OXCT1: variants seen among roughly 807,000 people sequenced by gnomAD.
OXCT1 encodes the protein 3-oxoacid CoA-transferase 1, also known as succinyl-CoA:3-ketoacid coenzyme A transferase 1, mitochondrial.
OXCT1 carries 27 observed loss-of-function variants against 69.6 expected under a neutral mutation model. That is an observed-to-expected ratio of 0.39 (90% confidence interval 0.29 to 0.54). OXCT1 has a LOEUF of 0.54. OXCT1 is among the 20% of genes least tolerant of loss of function. OXCT1 has a pLI of 0.72. For synonymous variants in OXCT1, 202 were observed against 217.8 expected (o/e 0.93, Z 0.64); for missense variants, 437 against 650.2 (o/e 0.67, Z 3.57).
chr5:41,781,593 T>C (rs1165344904), intron 13 of OXCT1, among the ~76,000 whole-genome samples: 1 of 152,168 alleles, frequency 6.6e-6, no homozygotes, highest in African/African-American at 2.4e-5. Context: ...CTATTCTTCC[T>C]GATACTCTCG....
intron 7 of OXCT1, among the ~76,000 whole-genome samples, chr5:41,822,296 G>A (rs1337514945): frequency 6.6e-6 from 1 of 152,032 alleles, no homozygotes; most frequent in Non-Finnish European, 1.5e-5. Context: ...CTAGTTCTGC[G>A]GTAGTGGTTT....
intron 8 of OXCT1, 21 bp downstream of exon 8, chr5:41,807,310 C>A: frequency 7.9e-7 from 1 of 1,261,294 alleles, no homozygotes; most frequent in Non-Finnish European, 1.2e-6. Context: ...TGAATACTGA[C>A]AAAGCAGCTA....
chr5:41,835,573 C>T (rs1401370582), intron 7 of OXCT1, among the ~76,000 whole-genome samples: 4 of 152,142 alleles, frequency 2.6e-5, no homozygotes, highest in Admixed American at 6.5e-5. Context: ...CACCAAATAT[C>T]GTATCATCTA....
intron 4 of OXCT1, among the ~76,000 whole-genome samples, chr5:41,851,273 C>T (rs1458984485): frequency 6.6e-6 from 1 of 152,156 alleles, no homozygotes; most frequent in Non-Finnish European, 1.5e-5. Flanking sequence ...GACATTGAGT[C>T]ATTCAAGTAG....
intron 7 of OXCT1, among the ~76,000 whole-genome samples, chr5:41,824,202 T>C (rs1434986487): frequency 6.6e-6 from 1 of 152,200 alleles, no homozygotes; most frequent in Admixed American, 6.5e-5. Context: ...CTTATCCTCA[T>C]TTGTTCTTCT....
intron 5 of OXCT1, among the ~76,000 whole-genome samples, chr5:41,846,444 C>A (rs1206670039): frequency 6.7e-6 from 1 of 149,080 alleles, no homozygotes; most frequent in South Asian, 2.2e-4. Context: ...ATCCATGTCC[C>A]TACAAAGGAC....
rs1392266777 is a variant in OXCT1, at chr5:41,762,875, C to T, written c.1249-675G>A. On this transcript the variant is annotated intron_variant, in intron 13 of 16. Coordinates refer to ENST00000196371, the MANE Select transcript of OXCT1 (RefSeq NM_000436.4). This position sits in a 1 kb window ranked among gnomAD's most constrained non-coding sequence, Gnocchi z 4.0. ...CATTCATTATACTTTTACCAACCAC[C>T]TTCTATGTACCACATGCTCTGAAAA... is the stretch of plus-strand genomic sequence containing the variant. Among the ~76,000 whole-genome samples the T allele has an allele frequency of 6.6e-6, 1 of 152,074 alleles. No homozygotes were observed. Among genetic ancestry groups the T allele is most frequent in the Non-Finnish European group, 1.5e-5 (1 of 68,012 alleles).
chr5:41,838,724 C>T (rs1344249594), intron 7 of OXCT1, among the ~76,000 whole-genome samples: 1 of 151,810 alleles, frequency 6.6e-6, no homozygotes, highest in Non-Finnish European at 1.5e-5. Flanking sequence ...CTCCTGGACT[C>T]AGGCGATCCT....
intron 13 of OXCT1, among the ~76,000 whole-genome samples, chr5:41,783,686 G>T (rs1011796345): frequency 1.3e-5 from 2 of 152,206 alleles, no homozygotes; most frequent in Admixed American, 1.3e-4. Flanking sequence ...AACACCAGAG[G>T]AGATGGAGAA....
intron 7 of OXCT1, among the ~76,000 whole-genome samples, chr5:41,834,442 A>C (rs957454037): frequency 2.0e-5 from 3 of 151,714 alleles, no homozygotes; most frequent in Non-Finnish European, 2.9e-5. Flanking sequence ...ACAGAGACCA[A>C]AAATAAAGGG....
At chr5:41,797,740 T>C (rs766143300) in intron 11 of OXCT1, among the ~76,000 whole-genome samples, 1 of 152,198 alleles carries the variant, frequency 6.6e-6, no homozygotes, top group African/African-American at 2.4e-5. Flanking sequence ...GTTTGCAAAC[T>C]TTAACATTCA....
chr5:41,866,321 A>G (rs10941559), intron 1 of OXCT1, among the ~76,000 whole-genome samples: 27,741 of 152,176 alleles, frequency 0.18, 2,740 homozygotes, highest in Middle Eastern at 0.28. Flanking sequence ...AACCCAGGTG[A>G]TCTTTGTTGA....
Position 41,742,992 on chromosome 5 carries a change from A to C in OXCT1, c.1420-3501T>G, listed in dbSNP as rs567696072. Among the ~76,000 whole-genome samples, 81 of 152,236 alleles carry C rather than the reference A, an allele frequency of 5.3e-4. 1 individual carries two copies. In the South Asian group the frequency reaches 0.014, roughly 26 times the overall value. On this transcript the variant is annotated intron_variant, in intron 15 of 16. Transcript: ENST00000196371. ...GATTTATAATCCTTTGGGTATATAC[A>C]CAGTAATGGGATGGCTGGGTCAAAT... is the stretch of plus-strand genomic sequence containing the variant.
At position 41,758,144 on chromosome 5, in the gene OXCT1, A is replaced by G. The variant is rs374101171; in HGVS notation, c.1338+3967T>C. ...AGACTACAAGAGTCACATTGATGCAATATTTATAGTGCTTGGTGTACGTAG... is the reference window on the plus strand; with the variant it reads ...AGACTACAAGAGTCACATTGATGCAGTATTTATAGTGCTTGGTGTACGTAG... On this transcript the variant is annotated intron_variant, in intron 14 of 16. Transcript: ENST00000196371. 4.6e-5 allele frequency among the ~76,000 whole-genome samples: 7 copies of G among 152,118 alleles called. No homozygotes were observed. The East Asian group carries it at 7.8e-4, about 17-fold the overall frequency.
intron 3 of OXCT1, among the ~76,000 whole-genome samples, chr5:41,858,713 T>C (rs928971820): frequency 1.3e-5 from 2 of 152,222 alleles, no homozygotes; most frequent in African/African-American, 2.4e-5. Context: ...ATCTCATTAA[T>C]TGGCAATTCT....
intron 10 of OXCT1, among the ~76,000 whole-genome samples, chr5:41,802,163 A>G (rs1032010382): frequency 6.6e-6 from 1 of 152,106 alleles, no homozygotes; most frequent in African/African-American, 2.4e-5. Context: ...ATCTGCTTTT[A>G]TCCAAATATA....
intron 13 of OXCT1, among the ~76,000 whole-genome samples, chr5:41,766,385 T>C (rs369817886): frequency 2.0e-5 from 3 of 152,048 alleles, no homozygotes; most frequent in East Asian, 3.9e-4. Context: ...GAATTAGAAA[T>C]AAAAGATGAA....
intron 5 of OXCT1, among the ~76,000 whole-genome samples, 159 bp from the exon 6 acceptor site, chr5:41,842,940 C>T (rs1462436611): frequency 1.3e-5 from 2 of 152,136 alleles, no homozygotes; most frequent in Admixed American, 1.3e-4. Flanking sequence ...CAGTGTTAGG[C>T]AAGCAGGACT....
intron 14 of OXCT1, among the ~76,000 whole-genome samples, chr5:41,757,783 C>T (rs1186338497): frequency 6.6e-6 from 1 of 152,022 alleles, no homozygotes; most frequent in Non-Finnish European, 1.5e-5. Context: ...AATGTACAAA[C>T]ACCTAAGAAT....
Sources: gnomAD v4.1 joint callset for allele counts (sites outside exome capture counted in the v4.1 genomes callset) on GRCh38, gnomAD v4.1.1 for gene constraint, Gnocchi (gnomAD v3.1) non-coding constraint, MANE v1.5 for transcripts, NCBI Gene and HGNC (gene_info 2026-07-23, HGNC 2026-07-21) for gene names.